SH3GLB2: variants seen among roughly 807,000 people sequenced by gnomAD.
SH3GLB2 encodes the protein SH3 domain containing GRB2 like, endophilin B2, also known as endophilin-B2.
A neutral mutation model predicts 48.0 loss-of-function variants in SH3GLB2; 24 were observed. The observed-to-expected ratio is 0.50, with a 90% CI of 0.36 to 0.70. The LOEUF is 0.70. Among genes scored for constraint, SH3GLB2 ranks in the 30% least tolerant of loss-of-function variants. The pLI is 0.00. For synonymous variants in SH3GLB2, 227 were observed against 207.6 expected (o/e 1.09, Z -0.80); for missense variants, 425 against 516.0 (o/e 0.82, Z 1.71).
chr9:129,023,328 A>T (rs1231008584), intron 1 of SH3GLB2, among the ~76,000 whole-genome samples: 1 of 152,114 alleles, frequency 6.6e-6, no homozygotes, highest in Non-Finnish European at 1.5e-5. Context: ...CGTGGGGGCT[A>T]CCTAGGAACA....
In SH3GLB2 at chr9:129,014,791, C is replaced by G; in HGVS notation, c.448G>C (p.Gly150Arg). 6.2e-7 allele frequency: 1 copy of G among 1,613,628 alleles called. No homozygotes were observed. The highest frequency in any genetic ancestry group is 8.5e-7 in the Non-Finnish European group (1 of 1,179,880). Residue 150 changes from glycine (G) to arginine (R), a missense_variant, in exon 4 of 11, where the codon GGG (glycine) becomes CGG (arginine). By Grantham distance (125) the Gly-to-Arg change is moderately radical (BLOSUM62 -2). Transcript: ENST00000372564. The surrounding 1 kb of genome is among the most constrained non-coding windows in gnomAD (Gnocchi z 4.1). The part of the protein sequence containing the change: ...FLTPLRNFLE[G>R]DWKTISKERR... ...CTCACCGAGATGGTCTTCCAGTCCC[C>G]CTCCAGGAAGTTGCGCAAGGGTGTG...
intron 5 of SH3GLB2, chr9:129,012,896 G>A: frequency 4.4e-6 from 6 of 1,374,966 alleles, no homozygotes; most frequent in Non-Finnish European, 6.1e-6. Context: ...CTGGCGGGGA[G>A]ACCAGCTGCT....
chr9:129,016,652 A>C (rs557071335), intron 3 of SH3GLB2, among the ~76,000 whole-genome samples: 1 of 152,072 alleles, frequency 6.6e-6, no homozygotes, highest in Admixed American at 6.6e-5. Flanking sequence ...AAAAAAAAAA[A>C]AATCCAAAGA....
intron 9 of SH3GLB2, 37 bp downstream of exon 9, chr9:129,009,733 AG>A: frequency 2.6e-6 from 4 of 1,548,390 alleles, no homozygotes; most frequent in Admixed American, 1.8e-5. Context: ...TATGGGAGCC[AG>A]GGGGCCCCAG....
In SH3GLB2 at chr9:129,028,251, G is replaced by A. The variant is rs866610731; in HGVS notation, c.-97C>T. ...CCGCACCCCGCCCACCTGCTGCGGGGCACCAGCCCTCCGCGCACCCGCCTG... is the reference window on the plus strand; with the variant it reads ...CCGCACCCCGCCCACCTGCTGCGGGACACCAGCCCTCCGCGCACCCGCCTG... On this transcript the variant is annotated 5_prime_UTR_variant, in exon 1 of 11. Coordinates refer to ENST00000372564, the MANE Select transcript of SH3GLB2 (RefSeq NM_020145.4). 1.3e-4 allele frequency: 105 copies of A among 828,044 alleles called. No homozygotes were observed. The highest frequency in any genetic ancestry group is 1.5e-4 in the Non-Finnish European group (100 of 680,498). The allele number at this position is 828,044 out of a possible 1,614,324, so 51.3% of individuals were successfully genotyped here.
intron 7 of SH3GLB2, 70 bp from the exon 8 acceptor site, chr9:129,010,279 G>T: frequency 7.4e-7 from 1 of 1,360,084 alleles, no homozygotes; most frequent in Non-Finnish European, 1.0e-6. Flanking sequence ...TTCTCCTGGA[G>T]CCTACCTGGG....
Position 129,009,926 on chromosome 9 carries a change from A to G in SH3GLB2, c.739-55T>C, listed in dbSNP as rs1482710069. 3.2e-6 allele frequency: 5 copies of G among 1,545,328 alleles called. No individual in the cohort carries two copies. In the East Asian group the frequency reaches 9.2e-5, roughly 28 times the overall value. Reference sequence around the variant, plus strand: ...TAACCTCCCGCCCTCAGAACAAAAAATTCCGTCCCCATCCCCGTCCTCTAC... The same window carrying G: ...TAACCTCCCGCCCTCAGAACAAAAAGTTCCGTCCCCATCCCCGTCCTCTAC... On this transcript the variant is annotated intron_variant, in intron 8 of 10. Coordinates refer to ENST00000372564, the MANE Select transcript of SH3GLB2 (RefSeq NM_020145.4).
chr9:129,012,216 TG>T lies in SH3GLB2; in HGVS notation c.624+19del. ...GGAGAGAGGAGGACGAGGGGTGGGGTGGGGGTGGGGTGCGCTTACCGCGGAG... is the reference window on the plus strand; with the variant it reads ...GGAGAGAGGAGGACGAGGGGTGGGGTGGGGTGGGGTGCGCTTACCGCGGAG... On this transcript the variant is annotated intron_variant, in intron 6 of 10. Transcript: ENST00000372564. The T allele has an allele frequency of 5.5e-5, 15 of 272,058 alleles. No homozygotes were observed. The highest frequency in any genetic ancestry group is 1.6e-4 in the South Asian group (1 of 6,368). 16.9% of individuals were successfully genotyped at this position (272,058 alleles called of 1,614,324 possible). A position where few individuals can be genotyped will look rare whatever the true frequency, so the allele number is the denominator to read the frequency against.
Position 129,014,003 on chromosome 9 carries a change from G to T in SH3GLB2, c.561+408C>A, listed in dbSNP as rs1040906124. On this transcript the variant is annotated intron_variant, in intron 5 of 10. Transcript: ENST00000372564. This position sits in a 1 kb window ranked among gnomAD's most constrained non-coding sequence, Gnocchi z 4.1. ...GCTCCCAGGTTTTCCACACCATCGT[G>T]GGGGCGCCTGAGCACAGGGACCCTC... 6.4e-6 allele frequency: 3 copies of T among 466,576 alleles called. No homozygotes were observed. The highest frequency in any genetic ancestry group is 4.7e-5 in the Admixed American group (2 of 42,760). 28.9% of individuals were successfully genotyped at this position (466,576 alleles called of 1,614,324 possible).
intron 10 of SH3GLB2, 135 bp downstream of exon 10, chr9:129,008,971 C>A: frequency 7.0e-7 from 1 of 1,436,894 alleles, no homozygotes; most frequent in Non-Finnish European, 9.4e-7. Context: ...TTCCTCAGAG[C>A]TGGATATGCC....
intron 3 of SH3GLB2, among the ~76,000 whole-genome samples, chr9:129,020,204 T>G (rs1564583279): frequency 4.2e-5 from 1 of 23,918 alleles, no homozygotes; most frequent in Non-Finnish European, 8.8e-5. Context: ...AAACTCCATC[T>G]CCAAAAAAAA....
In SH3GLB2 at chr9:129,010,072, G is replaced by C. The variant is rs766563990; in HGVS notation, c.738+48C>G. 1.9e-6 allele frequency: 3 copies of C among 1,548,784 alleles called. No individual in the cohort carries two copies. In the South Asian group the frequency reaches 3.3e-5, roughly 17 times the overall value. On this transcript the variant is annotated intron_variant, in intron 8 of 10. Transcript: ENST00000372564. Reference sequence around the variant, plus strand: ...CTGACCTTGTGGTTCAGGCACACCTGGTGCCTGCTGAGGGTTAGGTTTAGT... The same window carrying C: ...CTGACCTTGTGGTTCAGGCACACCTCGTGCCTGCTGAGGGTTAGGTTTAGT...
Position 129,014,467 on chromosome 9 carries a change from A to C in SH3GLB2, c.505T>G (p.Leu169Val), listed in dbSNP as rs1218393544. The C allele has an allele frequency of 6.4e-7, 1 of 1,550,796 alleles. No individual in the cohort carries two copies. Among genetic ancestry groups the C allele is most frequent in the Non-Finnish European group, 8.7e-7 (1 of 1,147,066 alleles). The change falls in exon 5 of 11, where the codon TTG (leucine) becomes GTG (valine). Residue 169 changes from leucine (L) to valine (V), a missense_variant. Physicochemically the swap from Leu to Val is conservative, Grantham distance 32. Transcript: ENST00000372564. The surrounding 1 kb of genome is among the most constrained non-coding windows in gnomAD (Gnocchi z 4.1). Reference protein sequence around the residue: ...RRLLQNRRLDLDACKARLKKA... With the variant: ...RRLLQNRRLDVDACKARLKKA... Reference sequence around the variant, plus strand: ...TTCAGCCTCGCTTTGCAGGCATCCAAGTCCAGACGCCGGTTTTGGAGGAGC... The same window carrying C: ...TTCAGCCTCGCTTTGCAGGCATCCACGTCCAGACGCCGGTTTTGGAGGAGC...
rs764337598 is a variant in SH3GLB2 at position 129,025,623 on chromosome 9, A to AAGGC, written c.63+2465_63+2468dup. 2.1e-3 allele frequency among the ~76,000 whole-genome samples: 312 copies of AAGGC among 146,012 alleles called. 1 individual carries two copies. Among genetic ancestry groups the AAGGC allele is most frequent in the East Asian group, 0.015 (75 of 4,948 alleles). On this transcript the variant is annotated intron_variant, in intron 1 of 10. Transcript: ENST00000372564. Reference sequence around the variant, plus strand: ...AGAGGGACTAAGGGAGGAAGGAAGGAAGGCAGGCAGGCAGGCAGGCAGGCA... The same window carrying AAGGC: ...AGAGGGACTAAGGGAGGAAGGAAGGAAGGCAGGCAGGCAGGCAGGCAGGCAGGCA...
rs1323884497 is a variant in SH3GLB2 at position 129,011,116 on chromosome 9, C to T, written c.625-423G>A. 1 of 183,006 alleles carries T rather than the reference C, an allele frequency of 5.5e-6. No individual in the cohort carries two copies. The highest frequency in any genetic ancestry group is 2.4e-5 in the African/African-American group (1 of 42,382). The allele number at this position is 183,006 out of a possible 1,614,324, so 11.3% of individuals were successfully genotyped here. The stretch of plus-strand genomic sequence containing the variant: ...AAGGTGGCCTCGTGCTTGAGTCACA[C>T]TGGGACTCAATGGCAAAAGAAAAAC... On this transcript the variant is annotated intron_variant, in intron 6 of 10. Coordinates refer to ENST00000372564, the MANE Select transcript of SH3GLB2 (RefSeq NM_020145.4). The surrounding 1 kb of genome is among the most constrained non-coding windows in gnomAD (Gnocchi z 4.5).
chr9:129,022,179 C>T lies in SH3GLB2; in HGVS notation c.205+103G>A, dbSNP rs528306350. 6.0e-5 allele frequency: 89 copies of T among 1,490,994 alleles called. No homozygotes were observed. The African/African-American group carries it at 1.0e-3, about 17-fold the overall frequency. 92.4% of individuals were successfully genotyped at this position (1,490,994 alleles called of 1,614,324 possible). ...GAGCCCAAGAGTCTAGCTGAAACCC[C>T]GGCTGCAGCCCCGCCCCACCTATGC... On this transcript the variant is annotated intron_variant, in intron 2 of 10. Transcript: ENST00000372564.
At chr9:129,021,264 G>A (rs776747264) in intron 2 of SH3GLB2, 45 bp from the exon 3 acceptor site, 1 of 1,549,314 alleles carries the variant, frequency 6.5e-7, no homozygotes, top group South Asian at 1.2e-5. Flanking sequence ...CTTAGTTCAA[G>A]CCCAAAAATG....
At chr9:129,010,500 G>A in intron 7 of SH3GLB2, 170 bp downstream of exon 7, 1 of 756,500 alleles carries the variant, frequency 1.3e-6, no homozygotes, top group South Asian at 1.7e-5. Flanking sequence ...GTACTGTGGA[G>A]AAAACATTTC....
Position 129,008,618 on chromosome 9 carries a change from A to T in SH3GLB2, c.*66T>A. On this transcript the variant is annotated 3_prime_UTR_variant, in exon 11 of 11. Coordinates refer to ENST00000372564, the MANE Select transcript of SH3GLB2 (RefSeq NM_020145.4). ...CAACTGTGTCACCAACAAACAAGTT[A>T]AGTGGCAGGGCTGCGCCCATCCTCT... 2 of 1,226,874 alleles carry T rather than the reference A, an allele frequency of 1.6e-6. No homozygotes were observed. The highest frequency in any genetic ancestry group is 2.4e-6 in the Non-Finnish European group (2 of 836,992). The allele number at this position is 1,226,874 out of a possible 1,614,324, so 76.0% of individuals were successfully genotyped here. A position where few individuals can be genotyped will look rare whatever the true frequency, so the allele number is the denominator to read the frequency against.
Sources: gnomAD v4.1 joint callset for allele counts (sites outside exome capture counted in the v4.1 genomes callset) on GRCh38, gnomAD v4.1.1 for gene constraint, Gnocchi (gnomAD v3.1) non-coding constraint, MANE v1.5 for transcripts, NCBI Gene and HGNC (gene_info 2026-07-23, HGNC 2026-07-21) for gene names.